The following A2M variants were observed in gnomAD, a reference collection of about 807,000 sequenced individuals.
The protein encoded by A2M is alpha-2-macroglobulin.
In A2M, 128 loss-of-function variants were observed where a neutral mutation model predicts 183.9. The observed-to-expected ratio is 0.70, with a 90% CI of 0.60 to 0.81. A2M has a LOEUF of 0.81. A2M is among the 30% of genes least tolerant of loss of function. The pLI, the probability that A2M is intolerant of heterozygous loss-of-function variation, is 0.00. For synonymous variants in A2M, 592 were observed against 670.8 expected, an observed-to-expected ratio of 0.88 and a Z score of 1.81; for missense variants, 1,495 against 1,787.6, an observed-to-expected ratio of 0.84 and a Z score of 2.95.
chr12:9,072,420 G>C lies in A2M; in HGVS notation c.4042C>G (p.Leu1348Val). 6.2e-7 allele frequency: 1 copy of C among 1,613,884 alleles called. No individual in the cohort carries two copies. The change falls in exon 31 of 36, where the codon CTG (leucine) becomes GTG (valine). Residue 1348 changes from leucine (L) to valine (V), a missense_variant. By Grantham distance (32) the Leu-to-Val change is conservative. Coordinates refer to ENST00000318602, the MANE Select transcript of A2M (RefSeq NM_000014.6). ...TTGGGTTCATCACAAGTTTGAGGCA[G>C]AGTCTGCACTCCTAAAGCAAAGGGG... ...EFPFALGVQT[L>V]PQTCDEPKAH...
In A2M at chr12:9,109,341, C is replaced by A. The variant is rs747145827; in HGVS notation, c.738G>T (p.Met246Ile). 1.2e-6 allele frequency: 2 copies of A among 1,613,050 alleles called. No homozygotes were observed. The highest frequency in any genetic ancestry group is 1.1e-5 in the South Asian group (1 of 90,952). The change falls in exon 7 of 36, where the codon ATG (methionine) becomes ATT (isoleucine). Residue 246 changes from methionine to isoleucine, a missense_variant. Physicochemically the swap from Met to Ile is conservative, Grantham distance 10 (BLOSUM62 1). Coordinates refer to ENST00000318602, the MANE Select transcript of A2M (RefSeq NM_000014.6). The stretch of plus-strand genomic sequence containing the variant: ...CTCACAGGCCACACACTGATACATT[C>A]ATCTCTTCTTCCAAGATGGTGATTA... ...PKIITILEEEMNVSVCGLYTY... is the reference protein window; with the variant it reads ...PKIITILEEEINVSVCGLYTY...
At position 9,074,869 on chromosome 12, in the gene A2M, A is replaced by G. The variant is rs1029542779; in HGVS notation, c.3533-86T>C. Reference sequence around the variant, plus strand: ...AAGTACCCAAGCCAGTGCTGAAATGAGAATTGCATGCCCATTATAATCCCC... The same window carrying G: ...AAGTACCCAAGCCAGTGCTGAAATGGGAATTGCATGCCCATTATAATCCCC... On this transcript the variant is annotated intron_variant, in intron 28 of 35. Transcript: ENST00000318602. 6 of 1,319,920 alleles carry G rather than the reference A, an allele frequency of 4.5e-6. 1 individual carries two copies. The South Asian group carries it at 8.2e-5, about 18-fold the overall frequency. The allele number at this position is 1,319,920 out of a possible 1,614,324, so 81.8% of individuals were successfully genotyped here. A position where few individuals can be genotyped will look rare whatever the true frequency, so the allele number is the denominator to read the frequency against.
intron 24 of A2M, 36 bp downstream of exon 24, chr12:9,079,603 A>G (rs1197375520): frequency 6.3e-7 from 1 of 1,583,420 alleles, no homozygotes; most frequent in Admixed American, 1.7e-5. Context: ...AGTTGAAATA[A>G]CATTCAAGTT....
Position 9,093,511 on chromosome 12 carries a change from G to A in A2M, c.2194C>T (p.Arg732Ter), listed in dbSNP as rs1489750515. 7 of 1,613,874 alleles carry A rather than the reference G, an allele frequency of 4.3e-6. No homozygotes were observed. The highest frequency in any genetic ancestry group is 1.1e-5 in the South Asian group (1 of 91,066). ...HVEEPHTETV[R>*]KYFPETWIWD... The stretch of plus-strand genomic sequence containing the variant: ...ATCCATGTCTCAGGGAAGTACTTTC[G>A]TACGGTCTCCGTGTGAGGCTCTTCA... Residue 732 changes from arginine to a stop codon, truncating the protein, a stop_gained, in exon 18 of 36, where the codon CGA (arginine) becomes TGA (stop). Transcript: ENST00000318602. LOFTEE classifies it high-confidence loss of function.
chr12:9,101,686 GA>G lies in A2M; in HGVS notation c.1267-13del. 1 of 1,568,920 alleles carries G rather than the reference GA, an allele frequency of 6.4e-7. No individual in the cohort carries two copies. Among genetic ancestry groups the G allele is most frequent in the Non-Finnish European group, 8.7e-7 (1 of 1,147,950 alleles). On this transcript the variant is annotated splice_polypyrimidine_tract_variant and intron_variant, in intron 11 of 35. Transcript: ENST00000318602. The stretch of plus-strand genomic sequence containing the variant: ...TCCTTGTAATTGACCTAATGAATTA[GA>G]AAAATTATATTATTTTTAGATTATA...
chr12:9,091,227 G>A lies in A2M; in HGVS notation c.2443C>T (p.Leu815=). ...CGGATGCATTTGGGAAGGTAGTTTA[G>A]GACCGTGGCCTTGAGTGTGAAGGCC... is the stretch of plus-strand genomic sequence containing the variant. The part of the protein sequence containing the change: ...GEAFTLKATV[L]NYLPKCIRVS... Residue 815 remains leucine, a synonymous_variant, in exon 19 of 36, where the codon CTA becomes TTA. Coordinates refer to ENST00000318602, the MANE Select transcript of A2M (RefSeq NM_000014.6). 3.7e-6 allele frequency: 6 copies of A among 1,614,180 alleles called. No individual in the cohort carries two copies. The highest frequency in any genetic ancestry group is 5.1e-6 in the Non-Finnish European group (6 of 1,180,032).
intron 12 of A2M, 24 bp downstream of exon 12, chr12:9,101,423 C>A: frequency 6.3e-7 from 1 of 1,590,402 alleles, no homozygotes; most frequent in South Asian, 1.1e-5. Context: ...ACAGTGAAGT[C>A]AACGCAGTAA....
At chr12:9,108,052 C>T (rs1938439921) in intron 7 of A2M, among the ~76,000 whole-genome samples, 1 of 152,116 alleles carries the variant, frequency 6.6e-6, no homozygotes, top group Non-Finnish European at 1.5e-5. Flanking sequence ...TCTCTTCTTC[C>T]ATCATCCTCT....
intron 6 of A2M, 77 bp from the exon 7 acceptor site, chr12:9,109,482 C>T: frequency 9.2e-7 from 1 of 1,083,290 alleles, no homozygotes; most frequent in Non-Finnish European, 1.4e-6. Context: ...TTCCCTGTAA[C>T]AGTTCCCTAA....
intron 16 of A2M, 37 bp from the exon 17 acceptor site, chr12:9,095,121 A>AT (rs1454832426): frequency 9.6e-7 from 1 of 1,044,988 alleles, no homozygotes; most frequent in South Asian, 1.7e-5. Context: ...GTAAATATAT[A>AT]TTATAAAATA....
intron 22 of A2M, among the ~76,000 whole-genome samples, chr12:9,085,071 C>A (rs1949015817): frequency 6.6e-6 from 1 of 151,964 alleles, no homozygotes. Flanking sequence ...TGTTGCAATG[C>A]AGTAATATCA....
At chr12:9,068,160 T>C (rs982864856) in intron 35 of A2M, 23 bp downstream of exon 35, 8 of 1,611,870 alleles carry the variant, frequency 5.0e-6, no homozygotes, top group African/African-American at 2.7e-5. Context: ...TGACTGCCTT[T>C]TGGAGGAGTG....
At position 9,115,896 on chromosome 12, in the gene A2M, A is replaced by G. The variant is rs2138009712; in HGVS notation, c.-47T>C. The G allele has an allele frequency of 6.8e-7, 1 of 1,470,522 alleles. No individual in the cohort carries two copies. The highest frequency in any genetic ancestry group is 1.1e-5 in the South Asian group (1 of 88,040). 91.1% of individuals were successfully genotyped at this position (1,470,522 alleles called of 1,614,324 possible). The stretch of plus-strand genomic sequence containing the variant: ...AGGAGAACAGACTGTATTGTACCCT[A>G]CTCCCTACAATCCATCTGGTCCCAA... On this transcript the variant is annotated 5_prime_UTR_variant, in exon 1 of 36. The change abolishes the stop of an existing upstream ORF in the 5' untranslated region. Coordinates refer to ENST00000318602, the MANE Select transcript of A2M (RefSeq NM_000014.6).
chr12:9,099,277 T>G, intron 14 of A2M, 104 bp downstream of exon 14: 1 of 1,085,566 alleles, frequency 9.2e-7, no homozygotes, highest in Non-Finnish European at 1.4e-6. Flanking sequence ...TCTGGGGAAT[T>G]TGTTTAACCC....
chr12:9,076,979 G>C, intron 27 of A2M, 43 bp from the exon 28 acceptor site: 1 of 1,494,532 alleles, frequency 6.7e-7, no homozygotes, highest in Non-Finnish European at 8.9e-7. Context: ...ATGTAAACAG[G>C]CATATTAGCA....
chr12:9,085,739 CA>C (rs1268419009), intron 22 of A2M, among the ~76,000 whole-genome samples: 2 of 151,312 alleles, frequency 1.3e-5, no homozygotes, highest in Non-Finnish European at 2.9e-5. Flanking sequence ...AAAAGACAGA[CA>C]AAAACTTTTA....
chr12:9,103,875 G>A (rs1645502305), intron 11 of A2M, among the ~76,000 whole-genome samples: 1 of 152,058 alleles, frequency 6.6e-6, no homozygotes, highest in Non-Finnish European at 1.5e-5. Context: ...TATGAACACG[G>A]GTGTGCAAAT....
chr12:9,089,638 G>A (rs1272855885), intron 21 of A2M, among the ~76,000 whole-genome samples: 3 of 152,084 alleles, frequency 2.0e-5, no homozygotes, highest in African/African-American at 7.2e-5. Context: ...CTACTCAGGA[G>A]GCTGAGGCAC....
intron 13 of A2M, among the ~76,000 whole-genome samples, chr12:9,100,044 G>A (rs1937699523): frequency 6.6e-6 from 1 of 152,180 alleles, no homozygotes; most frequent in Admixed American, 6.5e-5. Context: ...ACTAATGAGA[G>A]AGTAGATTAC....
Sources: allele counts gnomAD v4.1 joint callset (sites outside exome capture counted in the v4.1 genomes callset), GRCh38; gene constraint gnomAD v4.1.1; transcripts MANE v1.5; gene names NCBI Gene and HGNC (gene_info 2026-07-23, HGNC 2026-07-21).